Variants in KIF26B observed in about 807,000 individuals in gnomAD.
KIF26B encodes kinesin family member 26B.
A neutral mutation model predicts 151.2 loss-of-function variants in KIF26B; 63 were observed. The ratio of observed to expected loss-of-function variants is 0.42; its 90% CI spans 0.34 to 0.51. The LOEUF (loss-of-function observed/expected upper bound fraction) is 0.51. Among genes scored for constraint, KIF26B ranks in the 20% least tolerant of loss-of-function variants. The probability of loss-of-function intolerance (pLI) is 0.07; values close to 1 mark genes in which losing one functional copy is unlikely to be tolerated. For synonymous variants in KIF26B, 1,357 were observed against 1,262.1 expected (o/e 1.08, Z -1.59); for missense variants, 2,813 against 2,913.6 (o/e 0.97, Z 0.79).
At chr1:245,493,669 G>A (rs1169240165) in intron 4 of KIF26B, among the ~76,000 whole-genome samples, 1 of 152,218 alleles carries the variant, frequency 6.6e-6, no homozygotes, top group Admixed American at 6.5e-5. Flanking sequence ...TCAGAGAGCT[G>A]CCAAGGCAAC....
At chr1:245,419,767 TTG>T in intron 4 of KIF26B, 22 bp downstream of exon 4, 1 of 1,586,386 alleles carries the variant, frequency 6.3e-7, no homozygotes, top group South Asian at 1.1e-5. Flanking sequence ...GTTCAGATCC[TTG>T]GTTCTTTCCG....
chr1:245,386,721 C>T (rs1673555543), intron 3 of KIF26B, among the ~76,000 whole-genome samples: 1 of 152,200 alleles, frequency 6.6e-6, no homozygotes, highest in Admixed American at 6.6e-5. Context: ...CAATGAACAA[C>T]TTCATCAGGT....
At chr1:245,356,813 T>C (rs1188417189) in intron 2 of KIF26B, among the ~76,000 whole-genome samples, 1 of 152,296 alleles carries the variant, frequency 6.6e-6, no homozygotes, top group East Asian at 1.9e-4. Flanking sequence ...AAGGTGGCCA[T>C]GCTGTAGAGA....
rs1348385578 is a variant in KIF26B at position 245,708,275 on chromosome 1, T to C, written c.*5669T>C. On this transcript the variant is annotated 3_prime_UTR_variant, in exon 15 of 15. Transcript: ENST00000407071. ...AGTGATGGGAAGTGCTTTGAAGAAA[T>C]TAAAGGTCTGTCTAGGAGCTGGGGG... The C allele has an allele frequency of 6.6e-6, 1 of 152,168 alleles. No individual in the cohort carries two copies. The highest frequency in any genetic ancestry group is 2.4e-5 in the African/African-American group (1 of 41,438). The allele number at this position is 152,168 out of a possible 1,614,324, so 9.4% of individuals were successfully genotyped here. A position where few individuals can be genotyped will look rare whatever the true frequency, so the allele number is the denominator to read the frequency against.
chr1:245,642,253 T>G (rs1036056482), intron 9 of KIF26B, among the ~76,000 whole-genome samples: 1 of 152,200 alleles, frequency 6.6e-6, no homozygotes, highest in African/African-American at 2.4e-5. Flanking sequence ...AAGTTGAGAC[T>G]GGACCCCTTC....
At chr1:245,324,771 C>T (rs72761137) in intron 2 of KIF26B, among the ~76,000 whole-genome samples, 34,034 of 151,858 alleles carry the variant, frequency 0.22, 4,574 homozygotes, top group South Asian at 0.32. Context: ...CTTGTTAACA[C>T]GGCAGGACAA....
intron 2 of KIF26B, among the ~76,000 whole-genome samples, chr1:245,359,593 T>C (rs1238520816): frequency 2.0e-5 from 3 of 152,086 alleles, no homozygotes; most frequent in Non-Finnish European, 4.4e-5. Flanking sequence ...TGCTCAGAGA[T>C]GTCAGCTCAG....
At chr1:245,348,911 C>T (rs1369389019) in intron 2 of KIF26B, among the ~76,000 whole-genome samples, 1 of 152,220 alleles carries the variant, frequency 6.6e-6, no homozygotes, top group Non-Finnish European at 1.5e-5. Flanking sequence ...GGTCTCTGCT[C>T]CAGTGTCCCT....
intron 5 of KIF26B, among the ~76,000 whole-genome samples, chr1:245,562,250 C>T (rs367745994): frequency 3.9e-4 from 59 of 152,150 alleles, no homozygotes; most frequent in African/African-American, 1.3e-3. Flanking sequence ...GACAGAAATT[C>T]GGTTTGTGGC....
rs1039481703 is a variant in KIF26B, at chr1:245,172,758, C to T, written c.465+16075C>T. Among the ~76,000 whole-genome samples the T allele has an allele frequency of 1.2e-4, 18 of 152,104 alleles. No homozygotes were observed. The East Asian group carries it at 1.7e-3, about 15-fold the overall frequency. On this transcript the variant is annotated intron_variant, in intron 2 of 14. Coordinates refer to ENST00000407071, the MANE Select transcript of KIF26B (RefSeq NM_018012.4). ...CCAGGAGGCGGAGGTTGCAGGGAGCCGATATTGCATCACTGCGCTCCAGCC... is the reference window on the plus strand; with the variant it reads ...CCAGGAGGCGGAGGTTGCAGGGAGCTGATATTGCATCACTGCGCTCCAGCC...
At chr1:245,680,497 G>T (rs1572198367) in intron 10 of KIF26B, among the ~76,000 whole-genome samples, 1 of 152,146 alleles carries the variant, frequency 6.6e-6, no homozygotes, top group Admixed American at 6.5e-5. Context: ...ATTTTACCAT[G>T]TGATTGAGTC....
intron 4 of KIF26B, among the ~76,000 whole-genome samples, chr1:245,539,357 C>T (rs777942715): frequency 1.2e-4 from 19 of 152,158 alleles, no homozygotes; most frequent in African/African-American, 3.1e-4. Context: ...GCGGTGCAAA[C>T]GGTGTTGCTT....
rs764602468 is a variant in KIF26B at position 245,155,440 on chromosome 1, G to A, written c.16G>A (p.Gly6Arg). The A allele has an allele frequency of 6.8e-6, 11 of 1,612,094 alleles. No homozygotes were observed. The highest frequency in any genetic ancestry group is 1.6e-4 in the Middle Eastern group (1 of 6,080). The change falls in exon 1 of 15, where the codon GGG becomes AGG. Residue 6 changes from glycine (G) to arginine (R), a missense_variant. Physicochemically the swap from Gly to Arg is moderately radical, Grantham distance 125 (BLOSUM62 -2). This residue lies in a region of KIF26B where 676 missense variants were observed against 688.1 expected (regional missense o/e 0.98). Coordinates refer to ENST00000407071, the MANE Select transcript of KIF26B (RefSeq NM_018012.4). ...AAAAGCCACCATGAATTCGGTAGCT[G>A]GGAATAAAGAGAGGCTTGCGGTCTC... The part of the protein sequence containing the change: MNSVA[G>R]NKERLAVSTR...
chr1:245,603,245 G>T (rs2043416424), intron 6 of KIF26B, among the ~76,000 whole-genome samples: 1 of 152,136 alleles, frequency 6.6e-6, no homozygotes, highest in Non-Finnish European at 1.5e-5. Context: ...CCCTAGTAAG[G>T]AACCAGAGTG....
At position 245,427,492 on chromosome 1, in the gene KIF26B, C is replaced by T. The variant is rs560706105; in HGVS notation, c.1166+7747C>T. 6.7e-4 allele frequency among the ~76,000 whole-genome samples: 102 copies of T among 152,214 alleles called. 1 individual carries two copies. Among genetic ancestry groups the T allele is most frequent in the African/African-American group, 2.2e-3 (93 of 41,532 alleles). On this transcript the variant is annotated intron_variant, in intron 4 of 14. Transcript: ENST00000407071. The stretch of plus-strand genomic sequence containing the variant: ...GCATGGTGGTGCACGCCTGTAATCC[C>T]GTCTACTTGGGAGGCTGAGGCAGGA...
chr1:245,362,578 C>T (rs1029413201), intron 2 of KIF26B, among the ~76,000 whole-genome samples: 6 of 152,102 alleles, frequency 3.9e-5, no homozygotes, highest in Non-Finnish European at 7.4e-5. Flanking sequence ...GTAGCATCCC[C>T]GAGCTGGCAT....
At chr1:245,697,298 T>C (rs1230572070) in intron 12 of KIF26B, among the ~76,000 whole-genome samples, 1 of 152,176 alleles carries the variant, frequency 6.6e-6, no homozygotes, top group Non-Finnish European at 1.5e-5. Flanking sequence ...CTGGGAGCCA[T>C]GTGCTTCACT....
At chr1:245,314,321 G>T (rs1309352353) in intron 2 of KIF26B, among the ~76,000 whole-genome samples, 1 of 152,026 alleles carries the variant, frequency 6.6e-6, no homozygotes. Context: ...GCGTGGTGGT[G>T]GGCGCCTGGA....
chr1:245,232,953 G>A (rs943286420), intron 2 of KIF26B, among the ~76,000 whole-genome samples: 1 of 152,120 alleles, frequency 6.6e-6, no homozygotes, highest in Non-Finnish European at 1.5e-5. Flanking sequence ...TCTACTCAAC[G>A]TAGCACACGA....
Sources: allele counts gnomAD v4.1 joint callset (sites outside exome capture counted in the v4.1 genomes callset), GRCh38; gene constraint gnomAD v4.1.1; regional missense constraint gnomAD v4.1.1; transcripts MANE v1.5; gene names NCBI Gene and HGNC (gene_info 2026-07-23, HGNC 2026-07-21).